The following MICB variants were observed in gnomAD, a reference collection of about 807,000 sequenced individuals.
The protein encoded by MICB is MHC class I antigen-related protein B.
In MICB, 27 loss-of-function variants were observed where a neutral mutation model predicts 34.3. The ratio of observed to expected loss-of-function variants is 0.79; its 90% CI spans 0.58 to 1.08. The LOEUF (loss-of-function observed/expected upper bound fraction) is 1.08, where lower values mean the gene tolerates loss of function less well. Ranked by LOEUF, MICB falls within the 50% of genes least tolerant of loss-of-function variation. MICB has a pLI of 0.00. For missense variants in MICB, 426 were observed against 483.1 expected (o/e 0.88, Z 1.11); for synonymous variants, 153 against 187.4 (o/e 0.82, Z 1.50).
rs984095158 is a variant in MICB, at chr6:31,510,148, C to G, written c.*239C>G. 2 of 415,850 alleles carry G rather than the reference C, an allele frequency of 4.8e-6. No individual in the cohort carries two copies. The highest frequency in any genetic ancestry group is 8.4e-6 in the Non-Finnish European group (2 of 237,894). 25.8% of individuals were successfully genotyped at this position (415,850 alleles called of 1,614,324 possible). ...TATGATCAAACAGCAAATTGTTTATCATGAATGCAGGATGTGGGCAAACTC... is the reference window on the plus strand; with the variant it reads ...TATGATCAAACAGCAAATTGTTTATGATGAATGCAGGATGTGGGCAAACTC... On this transcript the variant is annotated 3_prime_UTR_variant, in exon 6 of 6. Coordinates refer to ENST00000252229, the MANE Select transcript of MICB (RefSeq NM_005931.5).
At chr6:31,499,232 C>G (rs1269665217) in intron 1 of MICB, among the ~76,000 whole-genome samples, 1 of 151,952 alleles carries the variant, frequency 6.6e-6, no homozygotes, top group Non-Finnish European at 1.5e-5. Flanking sequence ...CTCCGGGGGT[C>G]CTCTCCTCTC....
At chr6:31,506,451 C>A in intron 3 of MICB, 21 bp downstream of exon 3, 1 of 1,605,882 alleles carries the variant, frequency 6.2e-7, no homozygotes, top group Non-Finnish European at 8.5e-7. Flanking sequence ...TGGCCAGGGG[C>A]TCTACTGTTC....
At chr6:31,504,277 T>TTTTTTTTTA (rs1765174273) in intron 1 of MICB, among the ~76,000 whole-genome samples, 1 of 140,980 alleles carries the variant, frequency 7.1e-6, no homozygotes, top group Non-Finnish European at 1.5e-5. Flanking sequence ...TTTTTTTTTT[T>TTTTTTTTTA]GAGATGGAGT....
In MICB at chr6:31,507,638, CAG is replaced by C. The variant is rs1470434672; in HGVS notation, c.1024+108_1024+109del. On this transcript the variant is annotated intron_variant, in intron 5 of 5. Transcript: ENST00000252229. The surrounding 1 kb of genome is among the most constrained non-coding windows in gnomAD (Gnocchi z 6.0). ...GACGTAGGTGACAAGGCTGCTGGGACAGGGGATGGAAGCTGGGGTATTTGGGA... is the reference window on the plus strand; with the variant it reads ...GACGTAGGTGACAAGGCTGCTGGGACGGGATGGAAGCTGGGGTATTTGGGA... 5.2e-6 allele frequency: 7 copies of C among 1,337,606 alleles called. No individual in the cohort carries two copies. The highest frequency in any genetic ancestry group is 1.5e-5 in the African/African-American group (1 of 68,608). 82.9% of individuals were successfully genotyped at this position (1,337,606 alleles called of 1,614,324 possible).
chr6:31,507,073 C>T lies in MICB; in HGVS notation c.665C>T (p.Thr222Ile), dbSNP rs1172697359. ...AGCGAGGTCTCAGAGGGCAACATCA[C>T]CGTGACATGCAGGGCTTCCAGCTTC... ...TCSEVSEGNI[T>I]VTCRASSFYP... Residue 222 changes from threonine to isoleucine, a missense_variant, in exon 4 of 6, where the codon ACC becomes ATC. By Grantham distance (89) the Thr-to-Ile change is moderately conservative. Transcript: ENST00000252229. This position sits in a 1 kb window ranked among gnomAD's most constrained non-coding sequence, Gnocchi z 6.0. 4.3e-6 allele frequency: 7 copies of T among 1,613,858 alleles called. No homozygotes were observed. The African/African-American group carries it at 8.0e-5, about 18-fold the overall frequency.
At chr6:31,498,519 G>C in intron 1 of MICB, 1 of 183,836 alleles carries the variant, frequency 5.4e-6, no homozygotes, top group Non-Finnish European at 1.1e-5. Context: ...CTAGGCTGTA[G>C]TGCAGTGGCG....
In MICB at chr6:31,506,438, C is replaced by A; in HGVS notation, c.613+8C>A. 1 of 1,611,972 alleles carries A rather than the reference C, an allele frequency of 6.2e-7. No individual in the cohort carries two copies. The highest frequency in any genetic ancestry group is 8.5e-7 in the Non-Finnish European group (1 of 1,178,684). On this transcript the variant is annotated splice_region_variant and intron_variant, in intron 3 of 5. Transcript: ENST00000252229. ...TGGCCATCAGGAGAACAGGTACCGA[C>A]CCTGGCCAGGGGCTCTACTGTTCCC...
At position 31,506,180 on chromosome 6, in the gene MICB, C is replaced by G. The variant is rs3134900; in HGVS notation, c.363C>G (p.Ile121Met). 190,748 of 1,613,808 alleles carry G rather than the reference C, an allele frequency of 0.12. 12,848 individuals carry two copies. The highest frequency in any genetic ancestry group is 0.13 in the Non-Finnish European group (157,624 of 1,179,850). Residue 121 changes from isoleucine to methionine, a missense_variant, in exon 3 of 6, where the codon ATC (isoleucine) becomes ATG (methionine). By Grantham distance (10) the Ile-to-Met change is conservative. Coordinates refer to ENST00000252229, the MANE Select transcript of MICB (RefSeq NM_005931.5). ...HSLQEIRVCE[I>M]HEDSSTRGSR... ...TCCAGGAGATTAGGGTCTGTGAGATCCATGAAGACAGCAGCACCAGGGGCT... is the reference window on the plus strand; with the variant it reads ...TCCAGGAGATTAGGGTCTGTGAGATGCATGAAGACAGCAGCACCAGGGGCT...
At chr6:31,509,027 C>T (rs1284387183) in intron 5 of MICB, among the ~76,000 whole-genome samples, 1 of 152,104 alleles carries the variant, frequency 6.6e-6, no homozygotes, top group Non-Finnish European at 1.5e-5. Context: ...TGGGTGGAAT[C>T]CCTGCTAGGG....
chr6:31,506,888 G>A, intron 3 of MICB, 134 bp from the exon 4 acceptor site: 1 of 1,418,904 alleles, frequency 7.0e-7, no homozygotes, highest in Non-Finnish European at 9.4e-7. Flanking sequence ...CCCAGGGTGA[G>A]GACAGACTTA....
chr6:31,507,653 G>T lies in MICB; in HGVS notation c.1024+122G>T. The T allele has an allele frequency of 8.2e-7, 1 of 1,217,036 alleles. No homozygotes were observed. 75.4% of individuals were successfully genotyped at this position (1,217,036 alleles called of 1,614,324 possible). ...GCTGCTGGGACAGGGGATGGAAGCTGGGGTATTTGGGAGGGGAATGGGAGC... is the reference window on the plus strand; with the variant it reads ...GCTGCTGGGACAGGGGATGGAAGCTTGGGTATTTGGGAGGGGAATGGGAGC... On this transcript the variant is annotated intron_variant, in intron 5 of 5. Coordinates refer to ENST00000252229, the MANE Select transcript of MICB (RefSeq NM_005931.5). The surrounding 1 kb of genome is among the most constrained non-coding windows in gnomAD (Gnocchi z 6.0).
Position 31,507,186 on chromosome 6 carries a change from G to T in MICB, c.778G>T (p.Gly260Trp). ...TQQWGDVLPDGNGTYQTWVAT... is the reference protein window; with the variant it reads ...TQQWGDVLPDWNGTYQTWVAT... Reference sequence around the variant, plus strand: ...GCAGTGGGGGGATGTCCTGCCTGATGGGAATGGAACCTACCAGACCTGGGT... The same window carrying T: ...GCAGTGGGGGGATGTCCTGCCTGATTGGAATGGAACCTACCAGACCTGGGT... Residue 260 changes from glycine to tryptophan, a missense_variant, in exon 4 of 6, where the codon GGG becomes TGG. By Grantham distance (184) the Gly-to-Trp change is radical. Coordinates refer to ENST00000252229, the MANE Select transcript of MICB (RefSeq NM_005931.5). This position sits in a 1 kb window ranked among gnomAD's most constrained non-coding sequence, Gnocchi z 6.0. The T allele has an allele frequency of 6.2e-7, 1 of 1,614,104 alleles. No individual in the cohort carries two copies. Among genetic ancestry groups the T allele is most frequent in the Non-Finnish European group, 8.5e-7 (1 of 1,180,002 alleles).
rs547189241 is a variant in MICB at position 31,505,699 on chromosome 6, G to A, written c.153G>A (p.Leu51=). 1.2e-6 allele frequency: 2 copies of A among 1,613,076 alleles called. No individual in the cohort carries two copies. The highest frequency in any genetic ancestry group is 2.7e-5 in the African/African-American group (2 of 75,032). The change falls in exon 2 of 6, where the codon CTG becomes CTA. Residue 51 remains leucine, a synonymous_variant. Transcript: ENST00000252229. ...CAGGGTTTCTCGCTGAGGGACATCT[G>A]GATGGTCAGCCCTTCCTGCGCTATG... ...VQSGFLAEGH[L]DGQPFLRYDR...
chr6:31,500,216 G>C (rs1276707527), intron 1 of MICB, among the ~76,000 whole-genome samples: 1 of 151,652 alleles, frequency 6.6e-6, no homozygotes, highest in Non-Finnish European at 1.5e-5. Flanking sequence ...CCTTTTGGCA[G>C]GTCCTTCCTC....
chr6:31,507,582 T>C lies in MICB; in HGVS notation c.1024+51T>C, dbSNP rs1300401245. The C allele has an allele frequency of 6.2e-7, 1 of 1,608,854 alleles. No homozygotes were observed. The highest frequency in any genetic ancestry group is 8.5e-7 in the Non-Finnish European group (1 of 1,176,198). ...GATGGGAAAGCTCCTTTCTAGGCAG[T>C]AGGGTCTCCTCATTGCTCCTGCCCA... On this transcript the variant is annotated intron_variant, in intron 5 of 5. Transcript: ENST00000252229. This position sits in a 1 kb window ranked among gnomAD's most constrained non-coding sequence, Gnocchi z 6.0.
chr6:31,498,334 G>A, intron 1 of MICB, 71 bp downstream of exon 1: 4 of 1,332,382 alleles, frequency 3.0e-6, no homozygotes, highest in African/African-American at 1.5e-5. Flanking sequence ...CGGGTGGGTT[G>A]CCGCGAGCGC....
At position 31,507,189 on chromosome 6, in the gene MICB, A is replaced by T; in HGVS notation, c.781A>T (p.Asn261Tyr). The T allele has an allele frequency of 6.2e-7, 1 of 1,614,092 alleles. No homozygotes were observed. The highest frequency in any genetic ancestry group is 8.5e-7 in the Non-Finnish European group (1 of 1,180,000). The part of the protein sequence containing the change: ...QQWGDVLPDG[N>Y]GTYQTWVATR... ...GTGGGGGGATGTCCTGCCTGATGGG[A>T]ATGGAACCTACCAGACCTGGGTGGC... Residue 261 changes from asparagine (N) to tyrosine (Y), a missense_variant, in exon 4 of 6, where the codon AAT becomes TAT. By Grantham distance (143) the Asn-to-Tyr change is moderately radical. Transcript: ENST00000252229. This position sits in a 1 kb window ranked among gnomAD's most constrained non-coding sequence, Gnocchi z 6.0.
chr6:31,498,269 T>TG lies in MICB; in HGVS notation c.70+10dup. 6.4e-7 allele frequency: 1 copy of TG among 1,560,202 alleles called. No individual in the cohort carries two copies. Among genetic ancestry groups the TG allele is most frequent in the East Asian group, 2.6e-5 (1 of 39,018 alleles). On this transcript the variant is annotated splice_region_variant and intron_variant, in intron 1 of 5. Coordinates refer to ENST00000252229, the MANE Select transcript of MICB (RefSeq NM_005931.5). Reference sequence around the variant, plus strand: ...ACCCCCGGCAGCCGCCGCTGGTGAGTGGGGTTCCTGGCGGTCCCCGGCGGA... The same window carrying TG: ...ACCCCCGGCAGCCGCCGCTGGTGAGTGGGGGTTCCTGGCGGTCCCCGGCGGA...
rs183266366 is a variant in MICB, at chr6:31,505,261, C to T, written c.71-356C>T. On this transcript the variant is annotated intron_variant, in intron 1 of 5. Coordinates refer to ENST00000252229, the MANE Select transcript of MICB (RefSeq NM_005931.5). ...TCTGAGCCTGAGTCCCTTCCCATTC[C>T]CACTGTCCCCTCTGGCAAGACCTTC... Among the ~76,000 whole-genome samples the T allele has an allele frequency of 2.2e-3, 335 of 152,292 alleles. 2 individuals carry two copies. The highest frequency in any genetic ancestry group is 3.4e-3 in the Non-Finnish European group (229 of 68,010).
Sources: allele counts gnomAD v4.1 joint callset (sites outside exome capture counted in the v4.1 genomes callset), GRCh38; gene constraint gnomAD v4.1.1; non-coding constraint Gnocchi (gnomAD v3.1); transcripts MANE v1.5; gene names NCBI Gene and HGNC (gene_info 2026-07-23, HGNC 2026-07-21).